SLC7A11: variants seen among roughly 807,000 people sequenced by gnomAD.
SLC7A11 encodes cystine/glutamate transporter.
Under a neutral mutation model 54.5 loss-of-function variants are expected in SLC7A11, and 35 were observed. The observed-to-expected ratio is 0.64, with a 90% CI of 0.49 to 0.85. The LOEUF is 0.85. Among genes scored for constraint, SLC7A11 ranks in the 40% least tolerant of loss-of-function variants. The pLI is 0.00. For synonymous variants in SLC7A11, 230 were observed against 225.2 expected (o/e 1.02, Z -0.19); for missense variants, 583 against 618.1 (o/e 0.94, Z 0.60).
At chr4:138,215,402 G>T (rs915377552) in intron 5 of SLC7A11, among the ~76,000 whole-genome samples, 3 of 152,064 alleles carry the variant, frequency 2.0e-5, no homozygotes, top group Non-Finnish European at 4.4e-5. Flanking sequence ...TATACTTTAA[G>T]TATCTCACCA....
At chr4:138,183,648 A>T (rs1736802532) in intron 7 of SLC7A11, among the ~76,000 whole-genome samples, 1 of 152,168 alleles carries the variant, frequency 6.6e-6, no homozygotes, top group Non-Finnish European at 1.5e-5. Context: ...TCTACTGGAG[A>T]TAGAAATCTT....
chr4:138,206,721 A>C (rs945635407), intron 6 of SLC7A11, among the ~76,000 whole-genome samples: 13 of 151,972 alleles, frequency 8.6e-5, no homozygotes, highest in African/African-American at 3.1e-4. Flanking sequence ...TGTATTTTTT[A>C]TGCATATGTG....
chr4:138,229,310 C>T (rs74843273), intron 3 of SLC7A11, among the ~76,000 whole-genome samples: 3,587 of 152,288 alleles, frequency 0.024, 66 homozygotes, highest in Middle Eastern at 0.034. Flanking sequence ...TCCATCTCCA[C>T]CCGCTGTTGC....
chr4:138,195,919 G>T (rs1171427613), intron 6 of SLC7A11, among the ~76,000 whole-genome samples: 1 of 152,002 alleles, frequency 6.6e-6, no homozygotes, highest in Non-Finnish European at 1.5e-5. Context: ...TGCAGAAAGG[G>T]TTTCTGGCTT....
chr4:138,205,649 A>C (rs1329991210), intron 6 of SLC7A11, among the ~76,000 whole-genome samples: 1 of 152,104 alleles, frequency 6.6e-6, no homozygotes, highest in Non-Finnish European at 1.5e-5. Flanking sequence ...AGTATGACAC[A>C]GAATGTAAGC....
chr4:138,205,922 G>A (rs917277129), intron 6 of SLC7A11, among the ~76,000 whole-genome samples: 1 of 151,972 alleles, frequency 6.6e-6, no homozygotes, highest in African/African-American at 2.4e-5. Context: ...ATCTATTGCA[G>A]TCAAAATATT....
At chr4:138,191,402 G>C (rs1173032273) in intron 6 of SLC7A11, among the ~76,000 whole-genome samples, 1 of 152,088 alleles carries the variant, frequency 6.6e-6, no homozygotes, top group Non-Finnish European at 1.5e-5. Flanking sequence ...TAAAAGAAGA[G>C]AAGACAGAGA....
rs113451557 is a variant in SLC7A11, at chr4:138,232,384, T to TA, written c.405-3dup. 1,320 of 1,517,326 alleles carry TA rather than the reference T, an allele frequency of 8.7e-4. 6 individuals carry two copies. The highest frequency in any genetic ancestry group is 2.1e-3 in the African/African-American group (153 of 71,836). 94.0% of individuals were successfully genotyped at this position (1,517,326 alleles called of 1,614,324 possible). A position where few individuals can be genotyped will look rare whatever the true frequency, so the allele number is the denominator to read the frequency against. ...GATATCACAGCAGTAGCTGCAGGGCTAAAAAAAAATGTATATATTTAGGTT... is the reference window on the plus strand; with the variant it reads ...GATATCACAGCAGTAGCTGCAGGGCTAAAAAAAAAATGTATATATTTAGGTT... On this transcript the variant is annotated splice_region_variant and splice_polypyrimidine_tract_variant and intron_variant, in intron 2 of 11. Coordinates refer to ENST00000280612, the MANE Select transcript of SLC7A11 (RefSeq NM_014331.4).
At chr4:138,231,916 CAT>C (rs897210029) in intron 3 of SLC7A11, among the ~76,000 whole-genome samples, 3 of 152,252 alleles carry the variant, frequency 2.0e-5, no homozygotes, top group Non-Finnish European at 2.9e-5. Context: ...CATGATTACA[CAT>C]GAGATATAAT....
chr4:138,177,198 T>A (rs1345084443), intron 11 of SLC7A11: 1 of 152,096 alleles, frequency 6.6e-6, no homozygotes, highest in Non-Finnish European at 1.5e-5. Context: ...CATATCAAGG[T>A]TTTTGGTTGT....
At chr4:138,188,811 A>AT (rs1222481079) in intron 6 of SLC7A11, among the ~76,000 whole-genome samples, 2 of 152,222 alleles carry the variant, frequency 1.3e-5, no homozygotes, top group Non-Finnish European at 2.9e-5. Context: ...CAAAAGCATA[A>AT]TTTTTAAGCT....
At position 138,167,962 on chromosome 4, in the gene SLC7A11, A is replaced by G. The variant is rs1263789304; in HGVS notation, c.*3994T>C. 2 of 152,198 alleles carry G rather than the reference A, an allele frequency of 1.3e-5. No individual in the cohort carries two copies. The highest frequency in any genetic ancestry group is 4.8e-5 in the African/African-American group (2 of 41,452). 9.4% of individuals were successfully genotyped at this position (152,198 alleles called of 1,614,324 possible). A position where few individuals can be genotyped will look rare whatever the true frequency, so the allele number is the denominator to read the frequency against. ...ATGATGAAAGTGAAACTATCTCCCT[A>G]TATATCACATCATATATATTGTGAG... On this transcript the variant is annotated 3_prime_UTR_variant, in exon 12 of 12. Coordinates refer to ENST00000280612, the MANE Select transcript of SLC7A11 (RefSeq NM_014331.4).
chr4:138,189,128 A>C (rs1736947564), intron 6 of SLC7A11, among the ~76,000 whole-genome samples: 1 of 152,174 alleles, frequency 6.6e-6, no homozygotes, highest in African/African-American at 2.4e-5. Context: ...TTAAATGGAA[A>C]TCTCTAAAAC....
rs75668687 is a variant in SLC7A11, at chr4:138,216,129, A to C, written c.747-1500T>G. Among the ~76,000 whole-genome samples the C allele has an allele frequency of 4.2e-3, 636 of 152,194 alleles. 3 individuals carry two copies. Among genetic ancestry groups the C allele is most frequent in the African/African-American group, 0.015 (614 of 41,536 alleles). On this transcript the variant is annotated intron_variant, in intron 5 of 11. Coordinates refer to ENST00000280612, the MANE Select transcript of SLC7A11 (RefSeq NM_014331.4). ...CTCTTTGGTTTACAACACTTCAAGGACTCTAGCGAATGCTCATAAGATCTA... is the reference window on the plus strand; with the variant it reads ...CTCTTTGGTTTACAACACTTCAAGGCCTCTAGCGAATGCTCATAAGATCTA...
At chr4:138,226,381 T>A (rs1159245601) in intron 3 of SLC7A11, among the ~76,000 whole-genome samples, 2 of 152,168 alleles carry the variant, frequency 1.3e-5, no homozygotes, top group Non-Finnish European at 1.5e-5. Context: ...GTGTGGTTTA[T>A]TGTATGTCAA....
At chr4:138,237,741 T>TATTTA (rs1738270759) in intron 1 of SLC7A11, among the ~76,000 whole-genome samples, 1 of 13,616 alleles carries the variant, frequency 7.3e-5, no homozygotes, top group African/African-American at 2.9e-4. Context: ...ATATATATTT[T>TATTTA]TTTTTTTTTT....
Position 138,169,785 on chromosome 4 carries a change from G to C in SLC7A11, c.*2171C>G, listed in dbSNP as rs189265161. 9.2e-5 allele frequency: 14 copies of C among 152,150 alleles called. No individual in the cohort carries two copies. The highest frequency in any genetic ancestry group is 1.8e-4 in the Non-Finnish European group (12 of 67,988). The allele number at this position is 152,150 out of a possible 1,614,324, so 9.4% of individuals were successfully genotyped here. ...CCTCCAGCAACATATCATAGGGAGA[G>C]ATGTGGACAAATGAACAATATTTAC... On this transcript the variant is annotated 3_prime_UTR_variant, in exon 12 of 12. Transcript: ENST00000280612.
chr4:138,177,466 C>CCTCTCT (rs375163048), intron 11 of SLC7A11: 1 of 147,018 alleles, frequency 6.8e-6, no homozygotes, highest in Non-Finnish European at 1.5e-5. Context: ...TCTCTCTTTC[C>CCTCTCT]CTCTCTCTCT....
intron 2 of SLC7A11, 120 bp downstream of exon 2, chr4:138,236,205 T>C: frequency 9.3e-6 from 7 of 753,762 alleles, no homozygotes; most frequent in Middle Eastern, 3.6e-4. Flanking sequence ...TATCCTGAGG[T>C]AGACATGTTT....
Sources: gnomAD v4.1 joint callset for allele counts (sites outside exome capture counted in the v4.1 genomes callset) on GRCh38, gnomAD v4.1.1 for gene constraint, MANE v1.5 for transcripts, NCBI Gene and HGNC (gene_info 2026-07-23, HGNC 2026-07-21) for gene names.